Variants in COL23A1 observed in about 807,000 individuals in gnomAD.
COL23A1 encodes the protein collagen type XXIII alpha 1 chain, also known as collagen alpha-1(XXIII) chain.
Under a neutral mutation model 99.3 loss-of-function variants are expected in COL23A1, and 97 were observed. That is an observed-to-expected ratio of 0.98 (90% CI 0.83 to 1.16). The LOEUF (loss-of-function observed/expected upper bound fraction) is 1.16. Ranked by LOEUF, COL23A1 falls within the 50% of genes most tolerant of loss-of-function variation. The pLI, the probability that COL23A1 is intolerant of heterozygous loss-of-function variation, is 0.00. For missense variants in COL23A1, 762 were observed against 757.4 expected (o/e 1.01, Z -0.07); for synonymous variants, 320 against 308.2 (o/e 1.04, Z -0.40).
rs182612517 is a variant in COL23A1 at position 178,281,592 on chromosome 5, C to T, written c.441+6732G>A. Among the ~76,000 whole-genome samples the T allele has an allele frequency of 4.3e-3, 648 of 152,174 alleles. 1 individual carries two copies. The highest frequency in any genetic ancestry group is 7.4e-3 in the Non-Finnish European group (501 of 67,928). On this transcript the variant is annotated intron_variant, in intron 5 of 28. Coordinates refer to ENST00000390654, the MANE Select transcript of COL23A1 (RefSeq NM_173465.4). This position sits in a 1 kb window ranked among gnomAD's most constrained non-coding sequence, Gnocchi z 4.0. The stretch of plus-strand genomic sequence containing the variant: ...GGGTGTGCTCAGAGCTGACCTGTGA[C>T]GCCTGCCAGCCCTCGTTTCTGTTAG...
At chr5:178,411,195 C>T (rs1192302145) in intron 2 of COL23A1, among the ~76,000 whole-genome samples, 1 of 152,158 alleles carries the variant, frequency 6.6e-6, no homozygotes, top group Admixed American at 6.5e-5. Flanking sequence ...TTGTACACTG[C>T]TGGTAGGAAT....
chr5:178,366,563 C>T lies in COL23A1; in HGVS notation c.362-59644G>A, dbSNP rs1432370216. Reference sequence around the variant, plus strand: ...CTGCCCCAACAGAGTGCTTTCAGATCACCCGCCCTGCGAAAATGTGTCGGT... The same window carrying T: ...CTGCCCCAACAGAGTGCTTTCAGATTACCCGCCCTGCGAAAATGTGTCGGT... On this transcript the variant is annotated intron_variant, in intron 2 of 28. Transcript: ENST00000390654. The surrounding 1 kb of genome is among the most constrained non-coding windows in gnomAD (Gnocchi z 4.4). Among the ~76,000 whole-genome samples the T allele has an allele frequency of 1.3e-5, 2 of 152,186 alleles. No individual in the cohort carries two copies. Among genetic ancestry groups the T allele is most frequent in the East Asian group, 3.9e-4 (2 of 5,190 alleles).
rs1344511771 is a variant in COL23A1 at position 178,306,290 on chromosome 5, G to A, written c.406+585C>T. 7.1e-6 allele frequency among the ~76,000 whole-genome samples: 1 copy of A among 140,574 alleles called. No individual in the cohort carries two copies. The highest frequency in any genetic ancestry group is 2.7e-5 in the African/African-American group (1 of 37,194). The allele number at this position is 140,574 out of a possible 152,430, so 92.2% of individuals were successfully genotyped here. ...GCCATCAGAGGTCAGCATGACTTTA[G>A]CTAAGACGATGTCAGAGGGGCTTAG... On this transcript the variant is annotated intron_variant, in intron 3 of 28. Coordinates refer to ENST00000390654, the MANE Select transcript of COL23A1 (RefSeq NM_173465.4). This position sits in a 1 kb window ranked among gnomAD's most constrained non-coding sequence, Gnocchi z 4.1.
chr5:178,588,215 G>T (rs762812318), intron 1 of COL23A1, among the ~76,000 whole-genome samples: 4 of 152,172 alleles, frequency 2.6e-5, no homozygotes, highest in Non-Finnish European at 4.4e-5. Context: ...GCAGCCGGGA[G>T]GGGGGAAGCC....
intron 2 of COL23A1, among the ~76,000 whole-genome samples, chr5:178,491,784 G>A (rs1757948458): frequency 6.6e-6 from 1 of 151,966 alleles, no homozygotes; most frequent in Non-Finnish European, 1.5e-5. Flanking sequence ...ACCCAGGCTG[G>A]AGTGCAGTGG....
chr5:178,551,542 A>G (rs1349481121), intron 2 of COL23A1, among the ~76,000 whole-genome samples: 3 of 152,094 alleles, frequency 2.0e-5, no homozygotes, highest in Non-Finnish European at 4.4e-5. Flanking sequence ...CCCCAAAGGC[A>G]TGCTGCTTCA....
At chr5:178,409,310 C>A (rs946734370) in intron 2 of COL23A1, among the ~76,000 whole-genome samples, 1 of 152,158 alleles carries the variant, frequency 6.6e-6, no homozygotes, top group Non-Finnish European at 1.5e-5. Context: ...AGCCAGTCTT[C>A]GAATGCCACA....
chr5:178,358,297 T>C (rs1378777840), intron 2 of COL23A1, among the ~76,000 whole-genome samples: 1 of 140,370 alleles, frequency 7.1e-6, no homozygotes, highest in East Asian at 2.3e-4. Flanking sequence ...TGCGTATATG[T>C]ATGTATGTAT....
intron 2 of COL23A1, among the ~76,000 whole-genome samples, chr5:178,371,539 C>T (rs1013976660): frequency 6.6e-6 from 1 of 152,200 alleles, no homozygotes; most frequent in African/African-American, 2.4e-5. Flanking sequence ...CAGCCCTGAA[C>T]ACTGGACACG....
At chr5:178,417,039 G>C (rs1188366402) in intron 2 of COL23A1, among the ~76,000 whole-genome samples, 1 of 152,198 alleles carries the variant, frequency 6.6e-6, no homozygotes, top group Non-Finnish European at 1.5e-5. Context: ...AGTTCAGCAT[G>C]AGCATAGGAC....
chr5:178,247,816 C>T lies in COL23A1; in HGVS notation c.1228G>A (p.Glu410Lys). 2.5e-6 allele frequency: 4 copies of T among 1,613,048 alleles called. No individual in the cohort carries two copies. The South Asian group carries it at 4.4e-5, about 18-fold the overall frequency. The change falls in exon 21 of 29, where the codon GAG becomes AAG. Residue 410 changes from glutamate (E) to lysine (K), a missense_variant. Glu to Lys is a moderately conservative substitution (Grantham distance 56, BLOSUM62 1). Coordinates refer to ENST00000390654, the MANE Select transcript of COL23A1 (RefSeq NM_173465.4). ...LQESLAQLIV[E>K]PGPPGPPGPP... ...CCAGGGGGGCCAGGGGGCCCTGGCT[C>T]CACTATGAGCTGAGCCTAGGGAGGG...
rs113015592 is a variant in COL23A1, at chr5:178,294,383, A to G, written c.407-4014T>C. On this transcript the variant is annotated intron_variant, in intron 3 of 28. Transcript: ENST00000390654. ...AGCTCCCTCCCCAAATCACTACCGA[A>G]CTCCCTCCCCAAATCACTACCGAGC... Among the ~76,000 whole-genome samples the G allele has an allele frequency of 1.1e-3, 8 of 7,190 alleles. 1 individual carries two copies. Among genetic ancestry groups the G allele is most frequent in the African/African-American group, 5.2e-3 (8 of 1,544 alleles). 4.7% of individuals were successfully genotyped at this position (7,190 alleles called of 152,430 possible). A position where few individuals can be genotyped will look rare whatever the true frequency, so the allele number is the denominator to read the frequency against.
intron 2 of COL23A1, among the ~76,000 whole-genome samples, chr5:178,422,141 A>G (rs1390821203): frequency 6.6e-6 from 1 of 152,212 alleles, no homozygotes; most frequent in Admixed American, 6.5e-5. Context: ...CACATCTCCA[A>G]GCAAGATTTT....
intron 27 of COL23A1, among the ~76,000 whole-genome samples, chr5:178,239,395 CTGAG>C (rs1156710048): frequency 2.6e-5 from 4 of 152,206 alleles, no homozygotes; most frequent in Non-Finnish European, 5.9e-5. Context: ...TGAGCTTGTC[CTGAG>C]TGTGTTCCCT....
intron 2 of COL23A1, among the ~76,000 whole-genome samples, chr5:178,312,970 G>A (rs1284418823): frequency 6.6e-6 from 1 of 152,260 alleles, no homozygotes; most frequent in East Asian, 1.9e-4. Context: ...AGAAGAATGA[G>A]CAAACAGAAC....
At position 178,312,738 on chromosome 5, in the gene COL23A1, G is replaced by A. The variant is rs922573113; in HGVS notation, c.362-5819C>T. Among the ~76,000 whole-genome samples the A allele has an allele frequency of 1.1e-4, 17 of 152,276 alleles. No homozygotes were observed. The East Asian group carries it at 1.5e-3, about 14-fold the overall frequency. On this transcript the variant is annotated intron_variant, in intron 2 of 28. Transcript: ENST00000390654. ...CTACTGGCCTGGCTGCTTCCTGTGG[G>A]CTCCTGACTGGTTGCTCCGCCCTCA...
chr5:178,411,725 C>T lies in COL23A1; in HGVS notation c.362-104806G>A, dbSNP rs534684694. ...CTGGATAAAGGTGGTGGTTGCACAA[C>T]GCTGTGAATTTATTAAATGCTACTG... On this transcript the variant is annotated intron_variant, in intron 2 of 28. Coordinates refer to ENST00000390654, the MANE Select transcript of COL23A1 (RefSeq NM_173465.4). Among the ~76,000 whole-genome samples, 17 of 152,220 alleles carry T rather than the reference C, an allele frequency of 1.1e-4. No individual in the cohort carries two copies. The South Asian group carries it at 1.7e-3, about 15-fold the overall frequency.
intron 2 of COL23A1, among the ~76,000 whole-genome samples, chr5:178,436,371 C>G (rs1031630816): frequency 1.6e-5 from 2 of 124,182 alleles, no homozygotes; most frequent in Admixed American, 9.1e-5. Flanking sequence ...GTGGCGAGCA[C>G]GGGGAGAGGG....
intron 2 of COL23A1, among the ~76,000 whole-genome samples, chr5:178,527,344 A>G (rs1478110435): frequency 1.3e-5 from 2 of 152,216 alleles, no homozygotes; most frequent in African/African-American, 4.8e-5. Flanking sequence ...CCGTCCCTGC[A>G]GCCTCCTGAC....
Sources: gnomAD v4.1 joint callset for allele counts (sites outside exome capture counted in the v4.1 genomes callset) on GRCh38, gnomAD v4.1.1 for gene constraint, Gnocchi (gnomAD v3.1) non-coding constraint, MANE v1.5 for transcripts, NCBI Gene and HGNC (gene_info 2026-07-23, HGNC 2026-07-21) for gene names.